ADAMTSL3: variants seen among roughly 807,000 people sequenced by gnomAD.
ADAMTSL3 encodes the protein ADAMTS like 3.
In ADAMTSL3, 128 loss-of-function variants were observed where a neutral mutation model predicts 201.7. The observed-to-expected ratio is 0.63, with a 90% confidence interval of 0.55 to 0.73. The LOEUF (loss-of-function observed/expected upper bound fraction) is 0.73. Among genes scored for constraint, ADAMTSL3 ranks in the 30% least tolerant of loss-of-function variants. The pLI is 0.00. For synonymous variants in ADAMTSL3, 738 were observed against 748.4 expected, an observed-to-expected ratio of 0.99 and a Z score of 0.23; for missense variants, 1,990 against 2,119.6, an observed-to-expected ratio of 0.94 and a Z score of 1.20.
chr15:83,910,716 C>T (rs994802647), intron 15 of ADAMTSL3, among the ~76,000 whole-genome samples: 3 of 150,498 alleles, frequency 2.0e-5, no homozygotes, highest in African/African-American at 7.3e-5. Flanking sequence ...CTCACTGCAA[C>T]CTCCACCTCC....
chr15:83,657,790 G>A (rs915003996), intron 2 of ADAMTSL3, among the ~76,000 whole-genome samples: 1 of 152,190 alleles, frequency 6.6e-6, no homozygotes, highest in African/African-American at 2.4e-5. Flanking sequence ...AGGGAGTGTG[G>A]GTGGGCATGG....
At chr15:83,660,868 C>T (rs1224804663) in intron 2 of ADAMTSL3, among the ~76,000 whole-genome samples, 3 of 150,624 alleles carry the variant, frequency 2.0e-5, no homozygotes, top group Admixed American at 6.6e-5. Context: ...TGCCTATGTC[C>T]TGAATGGTAA....
intron 3 of ADAMTSL3, among the ~76,000 whole-genome samples, chr15:83,743,514 C>T (rs1456049236): frequency 3.2e-5 from 4 of 124,048 alleles, no homozygotes; most frequent in East Asian, 2.3e-4. Context: ...AGCGAGACTC[C>T]GTCTCAAAAA....
intron 3 of ADAMTSL3, among the ~76,000 whole-genome samples, chr15:83,724,001 G>T (rs1322818102): frequency 1.3e-5 from 2 of 151,956 alleles, no homozygotes; most frequent in South Asian, 2.1e-4. Context: ...GACATCCAAG[G>T]CTCAATACTT....
intron 2 of ADAMTSL3, among the ~76,000 whole-genome samples, chr15:83,672,598 A>G (rs955433120): frequency 9.9e-5 from 15 of 152,208 alleles, no homozygotes; most frequent in Admixed American, 5.9e-4. Flanking sequence ...ATTTGTAATC[A>G]TTATTCCTCC....
rs1596382044 is a variant in ADAMTSL3 at position 83,903,945 on chromosome 15, GAAAAAA to G, written c.1700+4215_1700+4220del. Reference sequence around the variant, plus strand: ...AAAAAAAAAAAAAAAAAAAAAAAAAGAAAAAAGAAAGAAAGAAAGAAAGAAAAGGAG... The same window carrying G: ...AAAAAAAAAAAAAAAAAAAAAAAAAGGAAAGAAAGAAAGAAAGAAAAGGAG... On this transcript the variant is annotated intron_variant, in intron 15 of 29. Coordinates refer to ENST00000286744, the MANE Select transcript of ADAMTSL3 (RefSeq NM_207517.3). Among the ~76,000 whole-genome samples, 412 of 103,530 alleles carry G rather than the reference GAAAAAA, an allele frequency of 4.0e-3. 2 individuals carry two copies. The highest frequency in any genetic ancestry group is 9.0e-3 in the Middle Eastern group (2 of 222). The allele number at this position is 103,530 out of a possible 152,430, so 67.9% of individuals were successfully genotyped here. A position where few individuals can be genotyped will look rare whatever the true frequency, so the allele number is the denominator to read the frequency against.
chr15:84,022,785 C>G (rs1430354027), intron 26 of ADAMTSL3, among the ~76,000 whole-genome samples: 1 of 152,158 alleles, frequency 6.6e-6, no homozygotes, highest in Non-Finnish European at 1.5e-5. Context: ...CTTGTCTCTC[C>G]CACACTGGTT....
At chr15:83,863,569 G>A (rs2064911572) in intron 8 of ADAMTSL3, among the ~76,000 whole-genome samples, 1 of 152,098 alleles carries the variant, frequency 6.6e-6, no homozygotes, top group Non-Finnish European at 1.5e-5. Context: ...AAACCAATGA[G>A]AACAAAGACA....
intron 21 of ADAMTSL3, among the ~76,000 whole-genome samples, chr15:83,987,254 C>T (rs929648410): frequency 3.3e-5 from 5 of 152,212 alleles, no homozygotes; most frequent in Non-Finnish European, 5.9e-5. Flanking sequence ...GAGACACTTT[C>T]GCTGTTTTGA....
rs900101896 is a variant in ADAMTSL3, at chr15:83,654,474, C to T, written c.-34+198C>T. 6.6e-6 allele frequency among the ~76,000 whole-genome samples: 1 copy of T among 152,036 alleles called. No homozygotes were observed. Among genetic ancestry groups the T allele is most frequent in the Non-Finnish European group, 1.5e-5 (1 of 68,010 alleles). ...TGCTGGGCACCTCGGGTCGGGCGCG[C>T]TTCGTGCCGTCCCGGAAGGTTCAGG... On this transcript the variant is annotated intron_variant, in intron 1 of 29. Coordinates refer to ENST00000286744, the MANE Select transcript of ADAMTSL3 (RefSeq NM_207517.3). The surrounding 1 kb of genome is among the most constrained non-coding windows in gnomAD (Gnocchi z 5.3).
At chr15:83,905,907 T>G (rs921542399) in intron 15 of ADAMTSL3, among the ~76,000 whole-genome samples, 11 of 152,096 alleles carry the variant, frequency 7.2e-5, no homozygotes, top group Non-Finnish European at 1.3e-4. Context: ...TTTTTTTTTT[T>G]AAATGTTATT....
At chr15:83,852,429 T>C (rs1484134921) in intron 7 of ADAMTSL3, among the ~76,000 whole-genome samples, 1 of 152,224 alleles carries the variant, frequency 6.6e-6, no homozygotes, top group African/African-American at 2.4e-5. Context: ...GTTTTTTAAC[T>C]GGTGATATAA....
At chr15:83,829,512 A>G (rs889199340) in intron 6 of ADAMTSL3, among the ~76,000 whole-genome samples, 1 of 151,830 alleles carries the variant, frequency 6.6e-6, no homozygotes, top group East Asian at 1.9e-4. Flanking sequence ...AGGTTTTTTT[A>G]TGTCTCTATC....
rs559468751 is a variant in ADAMTSL3 at position 83,819,236 on chromosome 15, G to T, written c.364-575G>T. On this transcript the variant is annotated intron_variant, in intron 5 of 29. Transcript: ENST00000286744. ...CAGTGAGCCGAGCCACTGCACTCCA[G>T]CCTGGCGACAGAGTGACACTCCGTC... Among the ~76,000 whole-genome samples the T allele has an allele frequency of 2.8e-5, 4 of 144,464 alleles. No homozygotes were observed. The South Asian group carries it at 6.7e-4, about 24-fold the overall frequency. 94.8% of individuals were successfully genotyped at this position (144,464 alleles called of 152,430 possible).
intron 3 of ADAMTSL3, among the ~76,000 whole-genome samples, chr15:83,749,997 A>G (rs994547029): frequency 3.9e-5 from 6 of 152,198 alleles, no homozygotes; most frequent in African/African-American, 1.4e-4. Context: ...CTGCGTGCTC[A>G]TTGAAAGATG....
At chr15:83,723,769 TG>T (rs1253698449) in intron 3 of ADAMTSL3, among the ~76,000 whole-genome samples, 7 of 152,130 alleles carry the variant, frequency 4.6e-5, no homozygotes, top group African/African-American at 1.7e-4. Context: ...TGGTTATCAC[TG>T]GGTTGTGGAA....
intron 2 of ADAMTSL3, among the ~76,000 whole-genome samples, chr15:83,692,818 T>G (rs937945245): frequency 2.0e-5 from 3 of 151,794 alleles, no homozygotes; most frequent in African/African-American, 7.3e-5. Flanking sequence ...CAGCTTAAGA[T>G]GAATATAAAC....
At chr15:83,667,633 G>A (rs2061267009) in intron 2 of ADAMTSL3, among the ~76,000 whole-genome samples, 1 of 149,772 alleles carries the variant, frequency 6.7e-6, no homozygotes, top group Non-Finnish European at 1.5e-5. Context: ...CTGTAAGGAT[G>A]TCCTATGTAA....
chr15:83,718,787 TTAA>T, intron 3 of ADAMTSL3, among the ~76,000 whole-genome samples: 1 of 152,096 alleles, frequency 6.6e-6, no homozygotes, highest in East Asian at 1.9e-4. Context: ...TATCACTAAG[TTAA>T]TAATAATACT....
Sources: allele counts gnomAD v4.1 joint callset (sites outside exome capture counted in the v4.1 genomes callset), GRCh38; gene constraint gnomAD v4.1.1; non-coding constraint Gnocchi (gnomAD v3.1); transcripts MANE v1.5; gene names NCBI Gene and HGNC (gene_info 2026-07-23, HGNC 2026-07-21).